Variants in EGF observed in about 807,000 individuals in gnomAD.
EGF encodes epidermal growth factor.
In EGF, 95 loss-of-function variants were observed where a neutral mutation model predicts 143.8. The ratio of observed to expected loss-of-function variants is 0.66; its 90% CI spans 0.56 to 0.78. EGF has a LOEUF of 0.78. Among genes scored for constraint, EGF ranks in the 30% least tolerant of loss-of-function variants. The pLI is 0.00. For synonymous variants in EGF, 510 were observed against 510.5 expected, an observed-to-expected ratio of 1.00 and a Z score of 0.01; for missense variants, 1,320 against 1,470.9, an observed-to-expected ratio of 0.90 and a Z score of 1.68.
chr4:109,975,127 G>T (rs1748284431), intron 12 of EGF, among the ~76,000 whole-genome samples: 1 of 152,134 alleles, frequency 6.6e-6, no homozygotes, highest in African/African-American at 2.4e-5. Context: ...AGGATATTTG[G>T]ATTATATGAC....
intron 5 of EGF, among the ~76,000 whole-genome samples, chr4:109,957,832 A>G (rs1323741611): frequency 2.0e-5 from 3 of 152,174 alleles, no homozygotes; most frequent in East Asian, 3.8e-4. Flanking sequence ...CATGACCCCA[A>G]TAGTTTTCCT....
In EGF at chr4:109,913,135, C is replaced by A; in HGVS notation, c.-201C>A. The A allele has an allele frequency of 1.7e-6, 1 of 574,098 alleles. No homozygotes were observed. The highest frequency in any genetic ancestry group is 3.3e-5 in the East Asian group (1 of 30,762). The allele number at this position is 574,098 out of a possible 1,614,324, so 35.6% of individuals were successfully genotyped here. On this transcript the variant is annotated 5_prime_UTR_variant, in exon 1 of 24. Transcript: ENST00000265171. ...TAAAGAAATCTTTCCTGTGGCTTCC[C>A]TTGGCAGGCTGCATTCAGAAGGTCT... is the stretch of plus-strand genomic sequence containing the variant.
At chr4:109,914,574 G>A (rs1025306254) in intron 1 of EGF, among the ~76,000 whole-genome samples, 2 of 152,172 alleles carry the variant, frequency 1.3e-5, no homozygotes, top group Non-Finnish European at 2.9e-5. Flanking sequence ...TAACAGGTGA[G>A]CAGAACTCTA....
Position 109,979,993 on chromosome 4 carries a change from T to C in EGF, c.2075T>C (p.Val692Ala). 1 of 1,613,984 alleles carries C rather than the reference T, an allele frequency of 6.2e-7. No individual in the cohort carries two copies. The highest frequency in any genetic ancestry group is 8.5e-7 in the Non-Finnish European group (1 of 1,179,906). The change falls in exon 14 of 24, where the codon GTG becomes GCG. Residue 692 changes from valine (V) to alanine (A), a missense_variant. Val to Ala is a moderately conservative substitution (Grantham distance 64). Coordinates refer to ENST00000265171, the MANE Select transcript of EGF (RefSeq NM_001963.6). Reference protein sequence around the residue: ...NDVGHPFAVAVFEDYVWFSDW... With the variant: ...NDVGHPFAVAAFEDYVWFSDW... ...CCAGGTCACCCATTTGCTGTAGCAG[T>C]GTTTGAGGATTATGTGTGGTTCTCA...
chr4:109,951,814 A>G (rs955269681), intron 5 of EGF, among the ~76,000 whole-genome samples: 2 of 152,144 alleles, frequency 1.3e-5, no homozygotes, highest in Non-Finnish European at 2.9e-5. Context: ...ATCATTTCAT[A>G]TTTTAGATGT....
At chr4:109,915,365 T>G (rs1196866364) in intron 1 of EGF, among the ~76,000 whole-genome samples, 3 of 152,196 alleles carry the variant, frequency 2.0e-5, no homozygotes, top group Non-Finnish European at 2.9e-5. Flanking sequence ...CAAAGCATGG[T>G]GCTTAGCAGA....
intron 23 of EGF, among the ~76,000 whole-genome samples, chr4:110,010,064 G>A (rs11569134): frequency 0.023 from 3,527 of 152,142 alleles, 129 homozygotes; most frequent in African/African-American, 0.078. Context: ...AATGAGACCA[G>A]CCTGTCTCTA....
chr4:109,923,382 C>T (rs1363529489), intron 1 of EGF, among the ~76,000 whole-genome samples: 1 of 151,332 alleles, frequency 6.6e-6, no homozygotes, highest in African/African-American at 2.5e-5. Flanking sequence ...TGTGTTTATC[C>T]TTGCAATTTG....
At chr4:109,985,996 G>A (rs867099753) in intron 16 of EGF, among the ~76,000 whole-genome samples, 2 of 152,038 alleles carry the variant, frequency 1.3e-5, no homozygotes, top group Non-Finnish European at 2.9e-5. Flanking sequence ...TTGATCAAAG[G>A]GGTTTTTTTT....
intron 1 of EGF, among the ~76,000 whole-genome samples, chr4:109,932,191 A>G (rs533500823): frequency 2.5e-4 from 38 of 151,828 alleles, no homozygotes; most frequent in African/African-American, 8.9e-4. Context: ...AAAAGCGCAA[A>G]TAAACAGAAC....
In EGF at chr4:109,993,298, G is replaced by A; in HGVS notation, c.2786G>A (p.Cys929Tyr). The change falls in exon 19 of 24, where the codon TGC becomes TAC. Residue 929 changes from cysteine (C) to tyrosine (Y), a missense_variant. Cys to Tyr is a radical substitution (Grantham distance 194, BLOSUM62 -2). Around this residue, in one of 5 missense-constraint regions of EGF, gnomAD observed 1,186 missense variants for 1,313.7 expected, o/e 0.90. Transcript: ENST00000265171. Reference sequence around the variant, plus strand: ...CACAGCTGTGGAGAGAATGCCAGCTGCACAAATACAGAGGGAGGCTATACC... The same window carrying A: ...CACAGCTGTGGAGAGAATGCCAGCTACACAAATACAGAGGGAGGCTATACC... ...GEHSCGENAS[C>Y]TNTEGGYTCM... The A allele has an allele frequency of 6.2e-7, 1 of 1,613,818 alleles. No homozygotes were observed. Among genetic ancestry groups the A allele is most frequent in the Non-Finnish European group, 8.5e-7 (1 of 1,179,890 alleles).
At chr4:109,983,190 G>A (rs542344429) in intron 15 of EGF, among the ~76,000 whole-genome samples, 5 of 152,026 alleles carry the variant, frequency 3.3e-5, no homozygotes, top group African/African-American at 4.8e-5. Flanking sequence ...TCTTTCTTCC[G>A]TACTGGTTCC....
intron 1 of EGF, among the ~76,000 whole-genome samples, chr4:109,918,088 CG>C (rs1010723107): frequency 9.2e-5 from 14 of 152,218 alleles, no homozygotes; most frequent in Non-Finnish European, 1.5e-4. Flanking sequence ...CAACAAATAA[CG>C]TATCTAATAT....
intron 5 of EGF, among the ~76,000 whole-genome samples, chr4:109,953,911 A>C (rs577226503): frequency 2.6e-5 from 4 of 152,194 alleles, no homozygotes; most frequent in African/African-American, 9.7e-5. Context: ...TTAATTATGG[A>C]TACATAATAG....
chr4:109,996,114 C>T (rs1266036776), intron 20 of EGF, among the ~76,000 whole-genome samples: 3 of 151,968 alleles, frequency 2.0e-5, no homozygotes, highest in South Asian at 2.1e-4. Context: ...AATAAATGTC[C>T]GAATGTATTA....
At chr4:109,913,587 T>G in intron 1 of EGF, 125 bp downstream of exon 1, 1 of 1,426,956 alleles carries the variant, frequency 7.0e-7, no homozygotes, top group Non-Finnish European at 9.6e-7. Context: ...GTTGCTTAAT[T>G]TTTGTTTTCT....
chr4:109,950,663 A>G (rs1743740847), intron 5 of EGF, among the ~76,000 whole-genome samples: 1 of 152,090 alleles, frequency 6.6e-6, no homozygotes, highest in South Asian at 2.1e-4. Flanking sequence ...ACCATTCTCA[A>G]AGATGACTTT....
intron 1 of EGF, among the ~76,000 whole-genome samples, chr4:109,917,854 A>C (rs1736977066): frequency 6.6e-6 from 1 of 152,112 alleles, no homozygotes; most frequent in South Asian, 2.1e-4. Flanking sequence ...TCCTGACCTC[A>C]AGTGATCAGC....
At chr4:110,000,250 CAAAAAA>C (rs754279332) in intron 21 of EGF, among the ~76,000 whole-genome samples, 1 of 94,020 alleles carries the variant, frequency 1.1e-5, no homozygotes. Flanking sequence ...GACTCCGTGT[CAAAAAA>C]AAAAAAAAAA....
Sources: gnomAD v4.1 joint callset for allele counts (sites outside exome capture counted in the v4.1 genomes callset) on GRCh38, gnomAD v4.1.1 for gene constraint, gnomAD v4.1.1 regional missense constraint, MANE v1.5 for transcripts, NCBI Gene and HGNC (gene_info 2026-07-23, HGNC 2026-07-21) for gene names.